RGSL1: variants seen among roughly 807,000 people sequenced by gnomAD.
RGSL1 encodes regulator of G protein signaling protein-like.
Under a neutral mutation model 124.7 loss-of-function variants are expected in RGSL1, and 97 were observed. That is an observed-to-expected ratio of 0.78 (90% CI 0.66 to 0.92). RGSL1 has a LOEUF of 0.92. Ranked by LOEUF, RGSL1 falls within the 40% of genes least tolerant of loss-of-function variation. RGSL1 has a pLI of 0.00. For synonymous variants in RGSL1, 424 were observed against 438.1 expected (o/e 0.97, Z 0.40); for missense variants, 1,233 against 1,288.4 (o/e 0.96, Z 0.66).
intron 9 of RGSL1, among the ~76,000 whole-genome samples, chr1:182,514,330 T>A (rs959171061): frequency 6.6e-6 from 1 of 152,168 alleles, no homozygotes; most frequent in African/African-American, 2.4e-5. Context: ...ATCTCGTCAG[T>A]GGGATCCCAT....
chr1:182,533,068 T>C (rs1397267278), intron 14 of RGSL1, among the ~76,000 whole-genome samples: 2 of 152,334 alleles, frequency 1.3e-5, no homozygotes, highest in East Asian at 3.9e-4. Flanking sequence ...TTTTTGAATT[T>C]GCTCTTTAAA....
chr1:182,501,549 C>A (rs1275276192), intron 9 of RGSL1, among the ~76,000 whole-genome samples: 1 of 151,924 alleles, frequency 6.6e-6, no homozygotes, highest in Non-Finnish European at 1.5e-5. Context: ...GAACTCCTGA[C>A]CTCAAGTGGT....
intron 8 of RGSL1, among the ~76,000 whole-genome samples, chr1:182,492,236 G>A (rs548660158): frequency 6.6e-6 from 1 of 152,270 alleles, no homozygotes; most frequent in East Asian, 1.9e-4. Flanking sequence ...TCTCATGCCC[G>A]CACTTCGGGA....
intron 4 of RGSL1, among the ~76,000 whole-genome samples, chr1:182,469,624 A>G (rs1351487193): frequency 6.6e-6 from 1 of 152,176 alleles, no homozygotes; most frequent in Non-Finnish European, 1.5e-5. Context: ...AAATAGAATT[A>G]CCATATGGTC....
intron 9 of RGSL1, among the ~76,000 whole-genome samples, chr1:182,517,950 T>C (rs1053795649): frequency 3.3e-5 from 5 of 152,238 alleles, no homozygotes; most frequent in Non-Finnish European, 7.3e-5. Flanking sequence ...TGGGTCTACG[T>C]ATGTGTCTTT....
rs180797302 is a variant in RGSL1, at chr1:182,532,525, T to A, written c.2365-137T>A. 7.0e-4 allele frequency: 519 copies of A among 737,602 alleles called. 4 individuals are homozygous for A. Among genetic ancestry groups the A allele is most frequent in the Non-Finnish European group, 4.6e-5 (22 of 478,432 alleles). 45.7% of individuals were successfully genotyped at this position (737,602 alleles called of 1,614,324 possible). On this transcript the variant is annotated intron_variant, in intron 13 of 21. Coordinates refer to ENST00000294854, the MANE Select transcript of RGSL1 (RefSeq NM_001137669.2). ...TAACCTGAGTTTCCTCACCTTTAAA[T>A]TGGAGCTAAAAATTATTCCTTTACG...
Position 182,530,808 on chromosome 1 carries a change from C to A in RGSL1, c.2262C>A (p.Asp754Glu). The A allele has an allele frequency of 6.5e-7, 1 of 1,546,848 alleles. No individual in the cohort carries two copies. The highest frequency in any genetic ancestry group is 8.7e-7 in the Non-Finnish European group (1 of 1,145,274). Residue 754 changes from aspartate to glutamate, a missense_variant, in exon 13 of 22, where the codon GAC becomes GAA. Physicochemically the swap from Asp to Glu is conservative, Grantham distance 45 (BLOSUM62 2). Coordinates refer to ENST00000294854, the MANE Select transcript of RGSL1 (RefSeq NM_001137669.2). Reference protein sequence around the residue: ...IEEKWFKDYQDLFPPHHQEVE... With the variant: ...IEEKWFKDYQELFPPHHQEVE... The stretch of plus-strand genomic sequence containing the variant: ...CTGACAGGTTTAAAGATTATCAAGA[C>A]CTGTTCCCACCTCACCATCAGGAGG...
chr1:182,554,542 G>A, intron 19 of RGSL1, 85 bp from the exon 20 acceptor site: 2 of 1,207,848 alleles, frequency 1.7e-6, no homozygotes, highest in South Asian at 1.3e-5. Flanking sequence ...AGCCCACCCA[G>A]CATGGTCCTC....
intron 18 of RGSL1, 25 bp downstream of exon 18, chr1:182,551,234 C>T: frequency 6.6e-7 from 1 of 1,513,988 alleles, no homozygotes; most frequent in African/African-American, 1.4e-5. Flanking sequence ...GACTCACAGC[C>T]CCATTCTCCA....
intron 14 of RGSL1, among the ~76,000 whole-genome samples, chr1:182,533,630 T>C (rs1340501579): frequency 2.6e-5 from 4 of 152,204 alleles, no homozygotes; most frequent in African/African-American, 9.6e-5. Flanking sequence ...TTGAAGGACC[T>C]TGGGAAAATT....
chr1:182,489,441 A>C (rs1399361708), intron 8 of RGSL1, among the ~76,000 whole-genome samples: 1 of 152,110 alleles, frequency 6.6e-6, no homozygotes, highest in Non-Finnish European at 1.5e-5. Flanking sequence ...CTGACTGTAG[A>C]GCTCCCTGCT....
chr1:182,509,814 G>A (rs1315262900), intron 9 of RGSL1, among the ~76,000 whole-genome samples: 16 of 128,402 alleles, frequency 1.2e-4, no homozygotes, highest in South Asian at 2.6e-4. Flanking sequence ...CGGGCGGGGG[G>A]CTGACCCCCC....
At chr1:182,499,874 A>C (rs561360353) in intron 9 of RGSL1, among the ~76,000 whole-genome samples, 1 of 152,116 alleles carries the variant, frequency 6.6e-6, no homozygotes, top group African/African-American at 2.4e-5. Context: ...GTGGCAACAA[A>C]TTCTCTTAGC....
At chr1:182,552,151 T>C (rs1660601906) in intron 18 of RGSL1, among the ~76,000 whole-genome samples, 1 of 151,812 alleles carries the variant, frequency 6.6e-6, no homozygotes, top group African/African-American at 2.4e-5. Context: ...TCTCGCTCTG[T>C]GGCCCAGGCT....
chr1:182,450,024 C>A, upstream of RGSL1: 2 of 934,574 alleles, frequency 2.1e-6, no homozygotes, highest in Non-Finnish European at 3.4e-6. Context: ...AGGCCTACAC[C>A]AGAGGTAAGT....
At chr1:182,463,546 T>G (rs888580077) in intron 4 of RGSL1, among the ~76,000 whole-genome samples, 3 of 152,206 alleles carry the variant, frequency 2.0e-5, no homozygotes, top group African/African-American at 7.2e-5. Flanking sequence ...TTAATTTATT[T>G]ATTTTTATCC....
chr1:182,523,405 A>C (rs897914830), intron 10 of RGSL1, among the ~76,000 whole-genome samples: 1 of 152,092 alleles, frequency 6.6e-6, no homozygotes. Context: ...ACCACTCTAG[A>C]TAGATCTTCC....
chr1:182,477,366 A>G lies in RGSL1; in HGVS notation c.1431+2824A>G, dbSNP rs906231974. Among the ~76,000 whole-genome samples the G allele has an allele frequency of 2.6e-5, 4 of 152,146 alleles. No homozygotes were observed. The East Asian group carries it at 7.7e-4, about 29-fold the overall frequency. ...TGCTTAACACCCTGTTAACGACCCAATGCCTTTCGGTCTCATTAGACACGG... is the reference window on the plus strand; with the variant it reads ...TGCTTAACACCCTGTTAACGACCCAGTGCCTTTCGGTCTCATTAGACACGG... On this transcript the variant is annotated intron_variant, in intron 6 of 21. Coordinates refer to ENST00000294854, the MANE Select transcript of RGSL1 (RefSeq NM_001137669.2).
At chr1:182,507,912 A>C (rs1163854797) in intron 9 of RGSL1, among the ~76,000 whole-genome samples, 1 of 152,132 alleles carries the variant, frequency 6.6e-6, no homozygotes, top group Non-Finnish European at 1.5e-5. Flanking sequence ...CATGTTGCCC[A>C]GGCTGATCTC....
Sources: gnomAD v4.1 joint callset for allele counts (sites outside exome capture counted in the v4.1 genomes callset) on GRCh38, gnomAD v4.1.1 for gene constraint, MANE v1.5 for transcripts, NCBI Gene and HGNC (gene_info 2026-07-23, HGNC 2026-07-21) for gene names.